Variants in GALNT17 observed in about 807,000 individuals in gnomAD.
GALNT17 encodes polypeptide N-acetylgalactosaminyltransferase 17.
GALNT17 carries 29 observed loss-of-function variants against 63.7 expected under a neutral mutation model. The observed-to-expected ratio is 0.46, with a 90% CI of 0.34 to 0.62. The LOEUF is 0.62. Among genes scored for constraint, GALNT17 ranks in the 20% least tolerant of loss-of-function variants. GALNT17 has a pLI of 0.01. For missense variants in GALNT17, 603 were observed against 799.6 expected (o/e 0.75, Z 2.97); for synonymous variants, 305 against 318.3 (o/e 0.96, Z 0.45).
intron 5 of GALNT17, among the ~76,000 whole-genome samples, chr7:71,555,433 C>T (rs1038987489): frequency 2.0e-5 from 3 of 148,962 alleles, no homozygotes; most frequent in African/African-American, 7.4e-5. Flanking sequence ...CAGCAGTGAG[C>T]CCAGCAGCTT....
At chr7:71,696,515 T>A (rs945612160) in intron 9 of GALNT17, among the ~76,000 whole-genome samples, 2 of 152,202 alleles carry the variant, frequency 1.3e-5, no homozygotes, top group African/African-American at 4.8e-5. Context: ...CAAGCCATGT[T>A]TTTATTGATA....
intron 1 of GALNT17, among the ~76,000 whole-genome samples, chr7:71,158,968 T>A (rs1027901620): frequency 6.6e-6 from 1 of 151,888 alleles, no homozygotes; most frequent in African/African-American, 2.4e-5. Flanking sequence ...AGTACAATTT[T>A]TATATTTCTT....
intron 9 of GALNT17, among the ~76,000 whole-genome samples, chr7:71,696,858 G>T (rs1000517381): frequency 2.0e-5 from 3 of 152,028 alleles, no homozygotes; most frequent in African/African-American, 7.2e-5. Flanking sequence ...TACTTTTGTT[G>T]GTCCTTAATG....
intron 1 of GALNT17, among the ~76,000 whole-genome samples, chr7:71,226,336 G>A (rs371766562): frequency 2.6e-5 from 4 of 152,136 alleles, no homozygotes; most frequent in African/African-American, 4.8e-5. Flanking sequence ...TGGGAACCCC[G>A]GGGTGGAGAC....
chr7:71,305,552 G>T (rs1425598243), intron 1 of GALNT17, among the ~76,000 whole-genome samples: 1 of 152,150 alleles, frequency 6.6e-6, no homozygotes, highest in Non-Finnish European at 1.5e-5. Context: ...TTTGGTCTTT[G>T]TGTTGAAAGC....
intron 1 of GALNT17, among the ~76,000 whole-genome samples, chr7:71,173,199 A>G (rs531290791): frequency 8.5e-5 from 13 of 152,128 alleles, no homozygotes; most frequent in Non-Finnish European, 1.8e-4. Flanking sequence ...TTTGAGTCTC[A>G]GATGCGGAAG....
intron 5 of GALNT17, among the ~76,000 whole-genome samples, chr7:71,460,919 C>T (rs1163466144): frequency 2.0e-5 from 3 of 152,172 alleles, no homozygotes; most frequent in African/African-American, 7.2e-5. Context: ...TTACTGCAAC[C>T]TATTTTTATC....
intron 6 of GALNT17, among the ~76,000 whole-genome samples, chr7:71,608,652 A>G (rs1238985861): frequency 6.6e-6 from 1 of 152,160 alleles, no homozygotes; most frequent in African/African-American, 2.4e-5. Context: ...TTTGAGGAGT[A>G]GTCAGGTACC....
At chr7:71,342,386 A>G (rs1198088887) in intron 2 of GALNT17, among the ~76,000 whole-genome samples, 1 of 152,196 alleles carries the variant, frequency 6.6e-6, no homozygotes. Flanking sequence ...ATTTATGGAG[A>G]TCCACCCCCA....
chr7:71,596,228 C>T (rs377619168), intron 6 of GALNT17, among the ~76,000 whole-genome samples: 9 of 152,042 alleles, frequency 5.9e-5, no homozygotes, highest in Admixed American at 1.3e-4. Flanking sequence ...TTAGTAGAGA[C>T]GGGGTTTCAC....
At chr7:71,136,442 A>G (rs1389442492) in intron 1 of GALNT17, among the ~76,000 whole-genome samples, 1 of 151,954 alleles carries the variant, frequency 6.6e-6, no homozygotes, top group Non-Finnish European at 1.5e-5. Flanking sequence ...ACTCCTGTGA[A>G]GTCCAAGCAG....
At chr7:71,142,986 G>C (rs1220179205) in intron 1 of GALNT17, among the ~76,000 whole-genome samples, 5 of 152,076 alleles carry the variant, frequency 3.3e-5, no homozygotes, top group African/African-American at 1.2e-4. Context: ...CTGGAAGTAG[G>C]GAGGCTTGAA....
intron 6 of GALNT17, among the ~76,000 whole-genome samples, chr7:71,634,098 G>A (rs932457062): frequency 2.6e-5 from 4 of 152,140 alleles, no homozygotes; most frequent in African/African-American, 4.8e-5. Flanking sequence ...CATTGTATTC[G>A]ACAGGTAATC....
At chr7:71,690,181 C>A (rs146345379) in intron 9 of GALNT17, among the ~76,000 whole-genome samples, 1 of 152,058 alleles carries the variant, frequency 6.6e-6, no homozygotes, top group African/African-American at 2.4e-5. Context: ...CGCACCATCA[C>A]GCCCAGCTAA....
chr7:71,639,613 G>A (rs142976653), intron 6 of GALNT17, among the ~76,000 whole-genome samples: 5 of 152,250 alleles, frequency 3.3e-5, no homozygotes, highest in South Asian at 2.1e-4. Flanking sequence ...TGAACGGCCC[G>A]GGAAACATTT....
At chr7:71,405,728 T>A (rs1400723212) in intron 3 of GALNT17, among the ~76,000 whole-genome samples, 2 of 152,080 alleles carry the variant, frequency 1.3e-5, no homozygotes, top group Admixed American at 1.3e-4. Flanking sequence ...GTGAACCAGC[T>A]CCCTGGGGCC....
chr7:71,320,721 T>C (rs961330363), intron 1 of GALNT17, among the ~76,000 whole-genome samples: 3 of 152,078 alleles, frequency 2.0e-5, no homozygotes, highest in African/African-American at 7.2e-5. Context: ...GAGATGATGG[T>C]GGTGGTGGTG....
intron 6 of GALNT17, among the ~76,000 whole-genome samples, chr7:71,593,077 G>A (rs1255621675): frequency 6.6e-6 from 1 of 151,930 alleles, no homozygotes; most frequent in African/African-American, 2.4e-5. Context: ...TGAGCCTCAG[G>A]TGGTTGAGGC....
chr7:71,217,535 GTTTTC>G (rs1162455569), intron 1 of GALNT17, among the ~76,000 whole-genome samples: 3 of 151,640 alleles, frequency 2.0e-5, no homozygotes, highest in Admixed American at 2.0e-4. Flanking sequence ...TATCATTCTG[GTTTTC>G]TTTTTTTTGT....
Sources: allele counts gnomAD v4.1 joint callset (sites outside exome capture counted in the v4.1 genomes callset), GRCh38; gene constraint gnomAD v4.1.1; transcripts MANE v1.5; gene names NCBI Gene and HGNC (gene_info 2026-07-23, HGNC 2026-07-21).